The following FCHO1 variants were observed in gnomAD, a reference collection of about 807,000 sequenced individuals.
FCHO1 encodes F-BAR domain only protein 1.
FCHO1 carries 45 observed loss-of-function variants against 114.4 expected under a neutral mutation model. The observed-to-expected ratio is 0.39, with a 90% CI of 0.31 to 0.50. FCHO1 has a LOEUF of 0.50. FCHO1 is among the 20% of genes least tolerant of loss of function. The pLI, the probability that FCHO1 is intolerant of heterozygous loss-of-function variation, is 0.77. For synonymous variants in FCHO1, 480 were observed against 488.9 expected (o/e 0.98, Z 0.24); for missense variants, 1,042 against 1,209.6 (o/e 0.86, Z 2.06).
chr19:17,775,033 A>G lies in FCHO1; in HGVS notation c.921-23A>G. On this transcript the variant is annotated intron_variant, in intron 13 of 28. Transcript: ENST00000596536. This position sits in a 1 kb window ranked among gnomAD's most constrained non-coding sequence, Gnocchi z 5.1. Reference sequence around the variant, plus strand: ...CAGATGGGCTGCGGAAGCTGACACCAACATCTCTTCCTCCATCCCCAGAGA... The same window carrying G: ...CAGATGGGCTGCGGAAGCTGACACCGACATCTCTTCCTCCATCCCCAGAGA... 2 of 1,613,446 alleles carry G rather than the reference A, an allele frequency of 1.2e-6. No homozygotes were observed. Among genetic ancestry groups the G allele is most frequent in the Non-Finnish European group, 1.7e-6 (2 of 1,179,768 alleles).
chr19:17,781,106 C>T, intron 20 of FCHO1, 125 bp from the exon 21 acceptor site: 1 of 678,734 alleles, frequency 1.5e-6, no homozygotes, highest in Non-Finnish European at 2.6e-6. Context: ...ACCAGGACTT[C>T]AGACCCATTG....
intron 21 of FCHO1, 36 bp downstream of exon 21, chr19:17,781,379 G>A: frequency 6.2e-7 from 1 of 1,608,336 alleles, no homozygotes; most frequent in Non-Finnish European, 8.5e-7. Context: ...TGGACTGGGG[G>A]TCGCGTCTGG....
At position 17,781,786 on chromosome 19, in the gene FCHO1, T is replaced by C; in HGVS notation, c.1903T>C (p.Tyr635His). ...ALPIATAFTE[Y>H]VHAYFRGHSP... ...GCCCATAGCCACAGCCTTCACAGAGTATGTCCACGCCTACTTCCGTGGCCA... is the reference window on the plus strand; with the variant it reads ...GCCCATAGCCACAGCCTTCACAGAGCATGTCCACGCCTACTTCCGTGGCCA... The change falls in exon 23 of 29, where the codon TAT becomes CAT. Residue 635 changes from tyrosine (Y) to histidine (H), a missense_variant. By Grantham distance (83) the Tyr-to-His change is moderately conservative. Transcript: ENST00000596536. 6.2e-7 allele frequency: 1 copy of C among 1,609,818 alleles called. No homozygotes were observed. The highest frequency in any genetic ancestry group is 8.5e-7 in the Non-Finnish European group (1 of 1,178,000).
rs1233399596 is a variant in FCHO1 at position 17,774,445 on chromosome 19, G to GGCGGGA, written c.896_901dup (p.Arg299_Glu300dup). 3 of 1,613,676 alleles carry GGCGGGA rather than the reference G, an allele frequency of 1.9e-6. No individual in the cohort carries two copies. The highest frequency in any genetic ancestry group is 2.5e-6 in the Non-Finnish European group (3 of 1,180,000). ...GCCTTTCGCCTTCCAGGACTAAGCC[G>GGCGGGA]GCGGGAGCGGGAGCCAGAGCCACCT... On this transcript the variant is annotated inframe_insertion, in exon 13 of 29. Coordinates refer to ENST00000596536, the MANE Select transcript of FCHO1 (RefSeq NM_015122.3).
intron 19 of FCHO1, 172 bp from the exon 20 acceptor site, chr19:17,778,437 G>A: frequency 1.2e-6 from 1 of 826,174 alleles, no homozygotes; most frequent in Admixed American, 2.7e-5. Context: ...TGGATGGGCC[G>A]GACATTTGTG....
At position 17,775,487 on chromosome 19, in the gene FCHO1, C is replaced by T. The variant is rs773465247; in HGVS notation, c.977C>T (p.Thr326Ile). 21 of 1,613,906 alleles carry T rather than the reference C, an allele frequency of 1.3e-5. No individual in the cohort carries two copies. The highest frequency in any genetic ancestry group is 1.7e-5 in the Admixed American group (1 of 59,986). ...CCAGAGGTGGATGAAGAAGGTTTCA[C>T]TGTCCGGCCTGATGTGACCCAGAAC... ...TCPEVDEEGF[T>I]VRPDVTQNST... Residue 326 changes from threonine to isoleucine, a missense_variant, in exon 15 of 29, where the codon ACT becomes ATT. Physicochemically the swap from Thr to Ile is moderately conservative, Grantham distance 89. This residue lies in a region of FCHO1 where 450 missense variants were observed against 564.1 expected (regional missense o/e 0.80). Coordinates refer to ENST00000596536, the MANE Select transcript of FCHO1 (RefSeq NM_015122.3). This position sits in a 1 kb window ranked among gnomAD's most constrained non-coding sequence, Gnocchi z 5.1.
At chr19:17,774,539 G>C in intron 13 of FCHO1, 61 bp downstream of exon 13, 1 of 1,388,598 alleles carries the variant, frequency 7.2e-7, no homozygotes, top group Admixed American at 1.8e-5. Flanking sequence ...CCCCTGCCCA[G>C]GCTATCCCAG....
At position 17,783,080 on chromosome 19, in the gene FCHO1, C is replaced by T; in HGVS notation, c.2001C>T (p.Phe667=). The T allele has an allele frequency of 1.9e-6, 3 of 1,614,120 alleles. No individual in the cohort carries two copies. The highest frequency in any genetic ancestry group is 2.2e-5 in the East Asian group (1 of 44,866). The change falls in exon 24 of 29, where the codon TTC becomes TTT. Residue 667 remains phenylalanine (F), a synonymous_variant. Transcript: ENST00000596536. ...TCCCTGCTGGCATCGTGCGTGTGTT[C>T]AGCGGGACCCCACCACCACCTGTCC... is the stretch of plus-strand genomic sequence containing the variant. The part of the protein sequence containing the change: ...MTFPAGIVRV[F]SGTPPPPVLS...
Position 17,770,436 on chromosome 19 carries a change from A to G in FCHO1, c.348A>G (p.Glu116=). The G allele has an allele frequency of 6.2e-7, 1 of 1,611,718 alleles. No homozygotes were observed. The highest frequency in any genetic ancestry group is 8.5e-7 in the Non-Finnish European group (1 of 1,179,018). ...CTCCTACCCCGCAGTGCAAGGAGGA[A>G]GTGGTGAGCACCTTGGATGCTGTGC... ...QLKTHKKCKE[E]VVSTLDAVQV... The change falls in exon 8 of 29, where the codon GAA becomes GAG. Residue 116 remains glutamate (E), a synonymous_variant. Coordinates refer to ENST00000596536, the MANE Select transcript of FCHO1 (RefSeq NM_015122.3).
intron 24 of FCHO1, among the ~76,000 whole-genome samples, chr19:17,783,841 A>G (rs1568373424): frequency 6.6e-6 from 1 of 152,026 alleles, no homozygotes; most frequent in Admixed American, 6.6e-5. Context: ...TCAGCCTCCC[A>G]AAGTGCTGGG....
chr19:17,788,110 C>T (rs553599558), intron 28 of FCHO1, among the ~76,000 whole-genome samples, 174 bp from the exon 29 acceptor site: 1 of 152,104 alleles, frequency 6.6e-6, no homozygotes, highest in African/African-American at 2.4e-5. Context: ...CAGCCCCACC[C>T]TGTTCTCCTG....
chr19:17,757,182 TAAAAAAAAA>T (rs768156240), intron 4 of FCHO1, among the ~76,000 whole-genome samples: 2 of 83,360 alleles, frequency 2.4e-5, no homozygotes, highest in Admixed American at 1.4e-4. Flanking sequence ...AGACTCCGTC[TAAAAAAAAA>T]AAAAAAAAAA....
intron 7 of FCHO1, among the ~76,000 whole-genome samples, chr19:17,769,452 G>A (rs900919034): frequency 2.6e-5 from 4 of 150,948 alleles, no homozygotes; most frequent in African/African-American, 7.3e-5. Flanking sequence ...TGGTGGCGGC[G>A]CCTGTAGTCT....
rs371566533 is a variant in FCHO1 at position 17,770,421 on chromosome 19, G to A, written c.337-4G>A. ...TACCCATGAAATCCCCTCCTACCCC[G>A]CAGTGCAAGGAGGAAGTGGTGAGCA... On this transcript the variant is annotated splice_region_variant and splice_polypyrimidine_tract_variant and intron_variant, in intron 7 of 28. Coordinates refer to ENST00000596536, the MANE Select transcript of FCHO1 (RefSeq NM_015122.3). 23 of 1,606,188 alleles carry A rather than the reference G, an allele frequency of 1.4e-5. No homozygotes were observed. Among genetic ancestry groups the A allele is most frequent in the East Asian group, 4.5e-5 (2 of 44,694 alleles).
chr19:17,756,144 T>A lies in FCHO1; in HGVS notation c.27+953T>A, dbSNP rs549297777. Reference sequence around the variant, plus strand: ...CTGGCAACAAGCCCCACTCCTGCCCTTGCTCCCTCCCCAGCTGGGGCTCCT... The same window carrying A: ...CTGGCAACAAGCCCCACTCCTGCCCATGCTCCCTCCCCAGCTGGGGCTCCT... On this transcript the variant is annotated intron_variant, in intron 4 of 28. Coordinates refer to ENST00000596536, the MANE Select transcript of FCHO1 (RefSeq NM_015122.3). Among the ~76,000 whole-genome samples the A allele has an allele frequency of 2.0e-3, 306 of 152,268 alleles. 3 individuals carry two copies. Among genetic ancestry groups the A allele is most frequent in the Admixed American group, 0.017 (266 of 15,294 alleles).
intron 7 of FCHO1, among the ~76,000 whole-genome samples, chr19:17,767,560 G>A (rs202227824): frequency 8.2e-5 from 2 of 24,536 alleles, no homozygotes; most frequent in Non-Finnish European, 6.5e-5. Context: ...GAGAAAGACT[G>A]TCTAAAAAAA....
chr19:17,777,681 G>T (rs147621229), intron 18 of FCHO1, among the ~76,000 whole-genome samples: 9 of 152,298 alleles, frequency 5.9e-5, no homozygotes, highest in Non-Finnish European at 8.8e-5. Flanking sequence ...CCCTGAGGGG[G>T]TGACTTGGAG....
At chr19:17,785,038 C>A in intron 26 of FCHO1, 114 bp downstream of exon 26, 1 of 1,005,746 alleles carries the variant, frequency 9.9e-7, no homozygotes, top group Non-Finnish European at 1.5e-6. Context: ...TAACTGTGAG[C>A]CCACCCTGCT....
chr19:17,770,932 C>T, intron 9 of FCHO1, 36 bp downstream of exon 9: 1 of 1,560,210 alleles, frequency 6.4e-7, no homozygotes, highest in South Asian at 1.1e-5. Flanking sequence ...AAGACCCACA[C>T]ATGCCTTTGC....
Sources: allele counts gnomAD v4.1 joint callset (sites outside exome capture counted in the v4.1 genomes callset), GRCh38; gene constraint gnomAD v4.1.1; regional missense constraint gnomAD v4.1.1; non-coding constraint Gnocchi (gnomAD v3.1); transcripts MANE v1.5; gene names NCBI Gene and HGNC (gene_info 2026-07-23, HGNC 2026-07-21).